Variants in TP53RK observed in about 807,000 individuals in gnomAD.
The protein encoded by TP53RK is EKC/KEOPS complex subunit TP53RK.
Under a neutral mutation model 14.9 loss-of-function variants are expected in TP53RK, and 17 were observed. The ratio of observed to expected loss-of-function variants is 1.14; its 90% CI spans 0.78 to 1.71. The LOEUF is 1.71. Among genes scored for constraint, TP53RK ranks in the 40% most tolerant of loss-of-function variants. The pLI, the probability that TP53RK is intolerant of heterozygous loss-of-function variation, is 0.00. For synonymous variants in TP53RK, 131 were observed against 138.0 expected (o/e 0.95, Z 0.36); for missense variants, 343 against 332.0 (o/e 1.03, Z -0.26).
chr20:46,687,043 G>A lies in TP53RK; in HGVS notation c.472C>T (p.Leu158Phe), dbSNP rs985927085. The change falls in exon 2 of 2, where the codon CTC becomes TTC. Residue 158 changes from leucine (L) to phenylalanine (F), a missense_variant. Coordinates refer to ENST00000372114, the MANE Select transcript of TP53RK (RefSeq NM_033550.4). The part of the protein sequence containing the change: ...QVLARMHDED[L>F]IHGDLTTSNM... ...GAGGTGGTGAGATCACCATGAATGA[G>A]GTCTTCATCGTGCATTCGAGCCAAA... The A allele has an allele frequency of 6.2e-7, 1 of 1,614,088 alleles. No individual in the cohort carries two copies. Among genetic ancestry groups the A allele is most frequent in the African/African-American group, 1.3e-5 (1 of 74,936 alleles).
chr20:46,687,540 G>A (rs545139116), intron 1 of TP53RK, among the ~76,000 whole-genome samples: 3 of 152,078 alleles, frequency 2.0e-5, no homozygotes, highest in Non-Finnish European at 2.9e-5. Context: ...AACAAAGGCC[G>A]GGTGTGGTGG....
rs747833775 is a variant in TP53RK, at chr20:46,689,371, G to C, written c.44C>G (p.Pro15Arg). The change falls in exon 1 of 2, where the codon CCC becomes CGC. Residue 15 changes from proline to arginine, a missense_variant. Pro to Arg is a moderately radical substitution (Grantham distance 103). Coordinates refer to ENST00000372114, the MANE Select transcript of TP53RK (RefSeq NM_033550.4). ...GGCCAGAGCCTCAGCCTCCGGGGCG[G>C]GCTCCTCGCCATCGGCCGGCGTAGT... ...RATTPADGEE[P>R]APEAEALAAA... The C allele has an allele frequency of 5.7e-6, 9 of 1,577,992 alleles. No individual in the cohort carries two copies. The African/African-American group carries it at 8.1e-5, about 14-fold the overall frequency.
Position 46,686,649 on chromosome 20 carries a change from A to G in TP53RK, c.*104T>C, listed in dbSNP as rs1213955446. On this transcript the variant is annotated 3_prime_UTR_variant, in exon 2 of 2. Transcript: ENST00000372114. Reference sequence around the variant, plus strand: ...TGACACGATCACATACCACTTAAAAATATCTTAACACCTTTACTTAGATCT... The same window carrying G: ...TGACACGATCACATACCACTTAAAAGTATCTTAACACCTTTACTTAGATCT... 11 of 981,048 alleles carry G rather than the reference A, an allele frequency of 1.1e-5. No individual in the cohort carries two copies. The highest frequency in any genetic ancestry group is 1.4e-5 in the Non-Finnish European group (9 of 647,546). The allele number at this position is 981,048 out of a possible 1,614,324, so 60.8% of individuals were successfully genotyped here.
Position 46,689,437 on chromosome 20 carries a change from A to C in TP53RK, c.-23T>G. 6.6e-7 allele frequency: 1 copy of C among 1,508,594 alleles called. No individual in the cohort carries two copies. Among genetic ancestry groups the C allele is most frequent in the South Asian group, 1.3e-5 (1 of 76,818 alleles). The allele number at this position is 1,508,594 out of a possible 1,614,324, so 93.5% of individuals were successfully genotyped here. On this transcript the variant is annotated 5_prime_UTR_variant, in exon 1 of 2. Coordinates refer to ENST00000372114, the MANE Select transcript of TP53RK (RefSeq NM_033550.4). ...CATGACTGCTCGGCGCAACAGCTCCAACCGATCAGCTGTCTCTGAAAACTG... is the reference window on the plus strand; with the variant it reads ...CATGACTGCTCGGCGCAACAGCTCCCACCGATCAGCTGTCTCTGAAAACTG...
rs908281342 is a variant in TP53RK, at chr20:46,689,440, C to T, written c.-26G>A. 23 of 1,495,362 alleles carry T rather than the reference C, an allele frequency of 1.5e-5. No individual in the cohort carries two copies. Among genetic ancestry groups the T allele is most frequent in the African/African-American group, 4.3e-5 (3 of 69,176 alleles). The allele number at this position is 1,495,362 out of a possible 1,614,324, so 92.6% of individuals were successfully genotyped here. ...GACTGCTCGGCGCAACAGCTCCAACCGATCAGCTGTCTCTGAAAACTGTCG... is the reference window on the plus strand; with the variant it reads ...GACTGCTCGGCGCAACAGCTCCAACTGATCAGCTGTCTCTGAAAACTGTCG... On this transcript the variant is annotated 5_prime_UTR_variant, in exon 1 of 2. Transcript: ENST00000372114.
intron 1 of TP53RK, among the ~76,000 whole-genome samples, chr20:46,688,516 G>A (rs75856910): frequency 6.6e-6 from 1 of 152,236 alleles, no homozygotes; most frequent in Middle Eastern, 3.2e-3. Flanking sequence ...TGAAAAAATA[G>A]GCAATTTAAT....
rs149404267 is a variant in TP53RK at position 46,687,060 on chromosome 20, C to A, written c.455G>T (p.Arg152Leu). The A allele has an allele frequency of 6.2e-7, 1 of 1,614,128 alleles. No individual in the cohort carries two copies. Among genetic ancestry groups the A allele is most frequent in the Admixed American group, 1.7e-5 (1 of 60,006 alleles). Residue 152 changes from arginine (R) to leucine (L), a missense_variant, in exon 2 of 2, where the codon CGA (arginine) becomes CTA (leucine). By Grantham distance (102) the Arg-to-Leu change is moderately radical (BLOSUM62 -2). Transcript: ENST00000372114. ...LAKTIGQVLA[R>L]MHDEDLIHGD... ...ATGAATGAGGTCTTCATCGTGCATT[C>A]GAGCCAAAACCTGCCCAATTGTCTT...
Position 46,687,210 on chromosome 20 carries a change from A to G in TP53RK, c.305T>C (p.Phe102Ser). The change falls in exon 2 of 2, where the codon TTT (phenylalanine) becomes TCT (serine). Residue 102 changes from phenylalanine (F) to serine (S), a missense_variant. Phe to Ser is a radical substitution (Grantham distance 155). Transcript: ENST00000372114. ...RRAGISAPVV[F>S]FVDYASNCLY... is the part of the protein sequence containing the mutation. ...GCAGTTGGAAGCATAGTCCACAAAA[A>G]AGACAACTGGGGCAGATATTCCTGA... The G allele has an allele frequency of 6.3e-7, 1 of 1,592,038 alleles. No individual in the cohort carries two copies. Among genetic ancestry groups the G allele is most frequent in the Non-Finnish European group, 8.6e-7 (1 of 1,166,370 alleles).
chr20:46,689,161 G>A lies in TP53RK; in HGVS notation c.254C>T (p.Ala85Val), dbSNP rs1256411084. ...RLGRRRTVQE[A>V]RALLRCRRAG... ...GCGGCGACAGCGGAGGAGCGCCCGG[G>A]CCTCCTGCACCGTCCGCCGTCTGCC... Residue 85 changes from alanine to valine, a missense_variant, in exon 1 of 2, where the codon GCC becomes GTC. Physicochemically the swap from Ala to Val is moderately conservative, Grantham distance 64. Transcript: ENST00000372114. The A allele has an allele frequency of 4.2e-6, 6 of 1,436,116 alleles. No individual in the cohort carries two copies. Among genetic ancestry groups the A allele is most frequent in the Non-Finnish European group, 5.5e-6 (6 of 1,099,916 alleles). 89.0% of individuals were successfully genotyped at this position (1,436,116 alleles called of 1,614,324 possible).
In TP53RK at chr20:46,686,267, A is replaced by G. The variant is rs2063179793; in HGVS notation, c.*486T>C. On this transcript the variant is annotated 3_prime_UTR_variant, in exon 2 of 2. Coordinates refer to ENST00000372114, the MANE Select transcript of TP53RK (RefSeq NM_033550.4). ...TATATACACGTGAAAGTTTCATAAA[A>G]CAATACACTGATATTTTCCATGCTG... 1 of 157,848 alleles carries G rather than the reference A, an allele frequency of 6.3e-6. No individual in the cohort carries two copies. The highest frequency in any genetic ancestry group is 6.1e-5 in the Admixed American group (1 of 16,478). The allele number at this position is 157,848 out of a possible 1,614,324, so 9.8% of individuals were successfully genotyped here.
intron 1 of TP53RK, among the ~76,000 whole-genome samples, chr20:46,687,592 C>T (rs1600643984): frequency 6.6e-6 from 1 of 151,884 alleles, no homozygotes; most frequent in Admixed American, 6.6e-5. Flanking sequence ...CGGAGGCAGG[C>T]GGATCACTTG....
In TP53RK at chr20:46,685,586, A is replaced by T. The variant is rs1018624155; in HGVS notation, c.*1167T>A. 12 of 152,230 alleles carry T rather than the reference A, an allele frequency of 7.9e-5. No homozygotes were observed. The highest frequency in any genetic ancestry group is 2.9e-4 in the African/African-American group (12 of 41,470). The allele number at this position is 152,230 out of a possible 1,614,324, so 9.4% of individuals were successfully genotyped here. On this transcript the variant is annotated 3_prime_UTR_variant, in exon 2 of 2. Coordinates refer to ENST00000372114, the MANE Select transcript of TP53RK (RefSeq NM_033550.4). ...CTGTAGCAATCATTTCATAATGTAT[A>T]TCAAAACATCCCACTGTATACTTTA...
rs547837999 is a variant in TP53RK, at chr20:46,685,286, G to A, written c.*1467C>T. The stretch of plus-strand genomic sequence containing the variant: ...AACAGGCACTGACTGTATCATCTCT[G>A]AACACAATGGAATGAAGCTGGCAAT... On this transcript the variant is annotated 3_prime_UTR_variant, in exon 2 of 2. Coordinates refer to ENST00000372114, the MANE Select transcript of TP53RK (RefSeq NM_033550.4). 1 of 152,340 alleles carries A rather than the reference G, an allele frequency of 6.6e-6. No individual in the cohort carries two copies. The highest frequency in any genetic ancestry group is 2.4e-5 in the African/African-American group (1 of 41,590). 9.4% of individuals were successfully genotyped at this position (152,340 alleles called of 1,614,324 possible).
chr20:46,687,082 T>C lies in TP53RK; in HGVS notation c.433A>G (p.Thr145Ala), dbSNP rs56008408. The C allele has an allele frequency of 1.9e-4, 307 of 1,614,190 alleles. No homozygotes were observed. The East Asian group carries it at 5.3e-3, about 28-fold the overall frequency. Reference sequence around the variant, plus strand: ...ATTCGAGCCAAAACCTGCCCAATTGTCTTGGCTAAGTTGGAGAGACCCTGG... The same window carrying C: ...ATTCGAGCCAAAACCTGCCCAATTGCCTTGGCTAAGTTGGAGAGACCCTGG... ...TPQGLSNLAK[T>A]IGQVLARMHD... is the part of the protein sequence containing the mutation. The change falls in exon 2 of 2, where the codon ACA becomes GCA. Residue 145 changes from threonine to alanine, a missense_variant. Thr to Ala is a moderately conservative substitution (Grantham distance 58). Coordinates refer to ENST00000372114, the MANE Select transcript of TP53RK (RefSeq NM_033550.4).
intron 1 of TP53RK, 36 bp downstream of exon 1, chr20:46,689,096 C>A: frequency 7.4e-7 from 1 of 1,359,438 alleles, no homozygotes; most frequent in Non-Finnish European, 9.4e-7. Flanking sequence ...CCCAGAGCCT[C>A]GGGGCCGCCC....
In TP53RK at chr20:46,686,913, T is replaced by C. The variant is rs769686341; in HGVS notation, c.602A>G (p.Tyr201Cys). 27 of 1,614,076 alleles carry C rather than the reference T, an allele frequency of 1.7e-5. No individual in the cohort carries two copies. The highest frequency in any genetic ancestry group is 2.2e-5 in the Non-Finnish European group (26 of 1,180,048). The change falls in exon 2 of 2, where the codon TAT (tyrosine) becomes TGT (cysteine). Residue 201 changes from tyrosine to cysteine, a missense_variant. By Grantham distance (194) the Tyr-to-Cys change is radical. Coordinates refer to ENST00000372114, the MANE Select transcript of TP53RK (RefSeq NM_033550.4). ...ALPEDKGVDLYVLEKAFLSTH... is the reference protein window; with the variant it reads ...ALPEDKGVDLCVLEKAFLSTH... ...ACTGAGGAAGGCCTTCTCCAGGACA[T>C]AGAGGTCTACTCCCTTATCCTCTGG...
At position 46,687,262 on chromosome 20, in the gene TP53RK, T is replaced by G. The variant is rs77377175; in HGVS notation, c.284-31A>C. On this transcript the variant is annotated intron_variant, in intron 1 of 1. Transcript: ENST00000372114. ...ATCAAGACATAAGTGGTTATTGGGT[T>G]GGATTTTTTTTAACGGGTAAACTTA... 8.9e-5 allele frequency: 136 copies of G among 1,529,078 alleles called. No homozygotes were observed. In the East Asian group the frequency reaches 3.0e-3, roughly 34 times the overall value. 94.7% of individuals were successfully genotyped at this position (1,529,078 alleles called of 1,614,324 possible).
intron 1 of TP53RK, among the ~76,000 whole-genome samples, chr20:46,687,582 C>T (rs1407383725): frequency 6.6e-6 from 1 of 151,804 alleles, no homozygotes; most frequent in African/African-American, 2.4e-5. Context: ...CTTTGGGAGG[C>T]GGAGGCAGGC....
chr20:46,689,240 TCAC>T lies in TP53RK; in HGVS notation c.172_174del (p.Val58del), dbSNP rs1359996638. 1 of 1,531,812 alleles carries T rather than the reference TCAC, an allele frequency of 6.5e-7. No homozygotes were observed. The highest frequency in any genetic ancestry group is 2.0e-5 in the Admixed American group (1 of 50,952). The allele number at this position is 1,531,812 out of a possible 1,614,324, so 94.9% of individuals were successfully genotyped here. ...TAGCCCTTGGGGAAGCGGTGCTTGA[TCAC>T]CGCCGCGCGGCCCTGGAAGCGGCCA... On this transcript the variant is annotated inframe_deletion, in exon 1 of 2. Coordinates refer to ENST00000372114, the MANE Select transcript of TP53RK (RefSeq NM_033550.4).
Sources: gnomAD v4.1 joint callset for allele counts (sites outside exome capture counted in the v4.1 genomes callset) on GRCh38, gnomAD v4.1.1 for gene constraint, MANE v1.5 for transcripts, NCBI Gene and HGNC (gene_info 2026-07-23, HGNC 2026-07-21) for gene names.